The following DNAH7 variants were observed in gnomAD, a reference collection of about 807,000 sequenced individuals.
The protein encoded by DNAH7 is dynein axonemal heavy chain 7, also known as axonemal beta dynein heavy chain 7.
A neutral mutation model predicts 444.6 loss-of-function variants in DNAH7; 397 were observed. The observed-to-expected ratio is 0.89, with a 90% confidence interval of 0.82 to 0.97. The LOEUF is 0.97. DNAH7 is among the 50% of genes least tolerant of loss of function. DNAH7 has a pLI of 0.00. For synonymous variants in DNAH7, 1,636 were observed against 1,624.4 expected (o/e 1.01, Z -0.17); for missense variants, 4,902 against 4,800.8 (o/e 1.02, Z -0.62).
chr2:195,858,904 A>G (rs1331398923), intron 42 of DNAH7, 100 bp from the exon 43 acceptor site: 3 of 963,156 alleles, frequency 3.1e-6, no homozygotes, highest in African/African-American at 3.3e-5. Context: ...TTTTCAAGAC[A>G]TAACTACGGA....
At chr2:196,049,368 A>G (rs1209605270) in intron 3 of DNAH7, among the ~76,000 whole-genome samples, 2 of 152,162 alleles carry the variant, frequency 1.3e-5, no homozygotes, top group African/African-American at 2.4e-5. Flanking sequence ...CTTGCTCCAT[A>G]AAAGTTTTAA....
chr2:196,002,545 C>T (rs181364382), intron 10 of DNAH7, among the ~76,000 whole-genome samples: 2 of 152,122 alleles, frequency 1.3e-5, no homozygotes, highest in African/African-American at 4.8e-5. Context: ...ATACTGTTAT[C>T]TTTTTTTATA....
intron 5 of DNAH7, among the ~76,000 whole-genome samples, chr2:196,038,169 T>C (rs1357351171): frequency 6.6e-6 from 1 of 152,036 alleles, no homozygotes; most frequent in Non-Finnish European, 1.5e-5. Flanking sequence ...AAAGCTATCC[T>C]TCAGAAGTGA....
At chr2:195,849,525 T>C (rs1310426212) in intron 46 of DNAH7, among the ~76,000 whole-genome samples, 1 of 152,124 alleles carries the variant, frequency 6.6e-6, no homozygotes, top group African/African-American at 2.4e-5. Flanking sequence ...TATTGCTACG[T>C]AGGGAGGAGG....
chr2:195,800,077 G>T lies in DNAH7; in HGVS notation c.10177-605C>A, dbSNP rs561485626. Among the ~76,000 whole-genome samples, 37 of 152,262 alleles carry T rather than the reference G, an allele frequency of 2.4e-4. No homozygotes were observed. In the South Asian group the frequency reaches 6.0e-3, roughly 25 times the overall value. ...CTTTTCAGGCCTTGATTTGGGGGTGGAATTGCATTCAGTATGACTGATGTA... is the reference window on the plus strand; with the variant it reads ...CTTTTCAGGCCTTGATTTGGGGGTGTAATTGCATTCAGTATGACTGATGTA... On this transcript the variant is annotated intron_variant, in intron 54 of 64. Transcript: ENST00000312428.
intron 61 of DNAH7, among the ~76,000 whole-genome samples, chr2:195,756,637 C>T (rs1394243626): frequency 1.3e-5 from 2 of 152,026 alleles, no homozygotes; most frequent in Non-Finnish European, 2.9e-5. Context: ...CCTCAGGCTC[C>T]CAAGAAACTG....
intron 64 of DNAH7, 110 bp downstream of exon 64, chr2:195,740,630 TATATATATATATATACATATACACAC>T (rs1692959527): frequency 3.8e-5 from 4 of 104,512 alleles, no homozygotes; most frequent in South Asian, 3.3e-4. Flanking sequence ...TATATATATA[TATATATATATATATACATATACACAC>T]ACACATATGT....
chr2:195,949,305 A>C (rs1304329908), intron 19 of DNAH7, among the ~76,000 whole-genome samples: 1 of 151,740 alleles, frequency 6.6e-6, no homozygotes, highest in Non-Finnish European at 1.5e-5. Flanking sequence ...ATTTATTGAG[A>C]TGGAGTCTCA....
intron 15 of DNAH7, among the ~76,000 whole-genome samples, chr2:195,980,815 TAAAA>T (rs59787108): frequency 3.3e-4 from 47 of 144,056 alleles, no homozygotes; most frequent in Admixed American, 1.7e-3. Flanking sequence ...TGCTTCATGA[TAAAA>T]AAAAAAACCC....
Position 195,857,379 on chromosome 2 carries a change from A to T in DNAH7, c.8412T>A (p.Asp2804Glu), listed in dbSNP as rs1331141656. 4.5e-6 allele frequency: 7 copies of T among 1,562,394 alleles called. No individual in the cohort carries two copies. Among genetic ancestry groups the T allele is most frequent in the Non-Finnish European group, 4.3e-6 (5 of 1,160,940 alleles). ...GATTTCTTTTTATCAGCACTTACTT[A>T]TCATATGAATCCATTGCTATGACCC... The part of the protein sequence containing the change: ...CKWVIAMDSY[D>E]KVAKIVAPKK... Residue 2804 changes from aspartate to glutamate, a missense_variant and splice_region_variant, in exon 44 of 65, where the codon GAT becomes GAA. By Grantham distance (45) the Asp-to-Glu change is conservative (BLOSUM62 2). Transcript: ENST00000312428.
rs1252689114 is a variant in DNAH7, at chr2:196,040,893, T to C, written c.398+6459A>G. 5.9e-5 allele frequency among the ~76,000 whole-genome samples: 9 copies of C among 151,990 alleles called. No individual in the cohort carries two copies. In the South Asian group the frequency reaches 1.2e-3, roughly 21 times the overall value. ...AAAGCTGCAAGATACAAAATCAACA[T>C]ACAAAACTCAGTAGCATTTCAATAT... On this transcript the variant is annotated intron_variant, in intron 5 of 64. Coordinates refer to ENST00000312428, the MANE Select transcript of DNAH7 (RefSeq NM_018897.3).
chr2:195,992,081 A>C (rs1693376466), intron 12 of DNAH7, among the ~76,000 whole-genome samples: 1 of 152,234 alleles, frequency 6.6e-6, no homozygotes, highest in Non-Finnish European at 1.5e-5. Flanking sequence ...AGATGTTGCA[A>C]AAAATCAGCT....
intron 49 of DNAH7, among the ~76,000 whole-genome samples, chr2:195,822,992 G>A (rs1405178549): frequency 6.6e-6 from 1 of 152,056 alleles, no homozygotes; most frequent in African/African-American, 2.4e-5. Flanking sequence ...CACTCTATGA[G>A]ATAGATACTT....
At chr2:195,836,478 C>G (rs2124969400) in intron 47 of DNAH7, among the ~76,000 whole-genome samples, 1 of 150,090 alleles carries the variant, frequency 6.7e-6, no homozygotes, top group East Asian at 2.0e-4. Flanking sequence ...GCCTGGGTGA[C>G]AGAGTGAGAC....
At position 195,857,500 on chromosome 2, in the gene DNAH7, T is replaced by C; in HGVS notation, c.8291A>G (p.Tyr2764Cys). 5 of 1,613,844 alleles carry C rather than the reference T, an allele frequency of 3.1e-6. No individual in the cohort carries two copies. Among genetic ancestry groups the C allele is most frequent in the Non-Finnish European group, 1.7e-6 (2 of 1,179,864 alleles). Residue 2764 changes from tyrosine (Y) to cysteine (C), a missense_variant, in exon 44 of 65, where the codon TAT becomes TGT. Transcript: ENST00000312428. ...EYDKDNIPPAYMNIIRKNYIP... is the reference protein window; with the variant it reads ...EYDKDNIPPACMNIIRKNYIP... ...ATAATTTTTTCTTATGATATTCATA[T>C]AAGCTGGAGGAATATTGTCCTTGTC... is the stretch of plus-strand genomic sequence containing the variant.
At chr2:196,031,707 C>T (rs1320530322) in intron 5 of DNAH7, among the ~76,000 whole-genome samples, 1 of 152,182 alleles carries the variant, frequency 6.6e-6, no homozygotes, top group Non-Finnish European at 1.5e-5. Flanking sequence ...TTTGCTAAAA[C>T]ATAACAAGAG....
In DNAH7 at chr2:195,957,434, T is replaced by C; in HGVS notation, c.2905A>G (p.Lys969Glu). 1 of 1,557,852 alleles carries C rather than the reference T, an allele frequency of 6.4e-7. No individual in the cohort carries two copies. Among genetic ancestry groups the C allele is most frequent in the Non-Finnish European group, 8.8e-7 (1 of 1,141,952 alleles). ...YEKQMREWEG[K>E]LLLLQEILDE... ...AGAATCTCCTGAAGCAGTAGGAGCT[T>C]GCCCTCCCATTCTCTGAGGAGCAAA... is the stretch of plus-strand genomic sequence containing the variant. The change falls in exon 19 of 65, where the codon AAG becomes GAG. Residue 969 changes from lysine (K) to glutamate (E), a missense_variant. By Grantham distance (56) the Lys-to-Glu change is moderately conservative. Transcript: ENST00000312428.
In DNAH7 at chr2:195,923,800, T is replaced by C. The variant is rs773506753; in HGVS notation, c.3620A>G (p.Glu1207Gly). 1.1e-5 allele frequency: 18 copies of C among 1,613,712 alleles called. No individual in the cohort carries two copies. In the African/African-American group the frequency reaches 2.0e-4, roughly 18 times the overall value. ...TCTGTTACATGTTTTCAAGTATTGCTCAAGAGCCTGAAAGAAAAGAAAATA... is the reference window on the plus strand; with the variant it reads ...TCTGTTACATGTTTTCAAGTATTGCCCAAGAGCCTGAAAGAAAAGAAAATA... Reference protein sequence around the residue: ...TAIPMGIKALEQYLKTCNRQI... With the variant: ...TAIPMGIKALGQYLKTCNRQI... The change falls in exon 23 of 65, where the codon GAG (glutamate) becomes GGG (glycine). Residue 1207 changes from glutamate (E) to glycine (G), a missense_variant. Glu to Gly is a moderately conservative substitution (Grantham distance 98). Transcript: ENST00000312428.
At chr2:195,894,739 ACTTT>A (rs145691988) in intron 30 of DNAH7, 3,026 of 294,352 alleles carry the variant, frequency 0.01, 59 homozygotes, top group East Asian at 0.06. Flanking sequence ...GACATGTATT[ACTTT>A]AATAATTTTT....
Sources: gnomAD v4.1 joint callset for allele counts (sites outside exome capture counted in the v4.1 genomes callset) on GRCh38, gnomAD v4.1.1 for gene constraint, MANE v1.5 for transcripts, NCBI Gene and HGNC (gene_info 2026-07-23, HGNC 2026-07-21) for gene names.